Variants in APLF observed in about 807,000 individuals in gnomAD.
The protein encoded by APLF is aprataxin and PNK-like factor.
A neutral mutation model predicts 55.6 loss-of-function variants in APLF; 61 were observed. That is an observed-to-expected ratio of 1.10 (90% CI 0.89 to 1.36). The LOEUF (loss-of-function observed/expected upper bound fraction) is 1.36, where lower values mean the gene tolerates loss of function less well. Among genes scored for constraint, APLF ranks in the 40% most tolerant of loss-of-function variants. The pLI, the probability that APLF is intolerant of heterozygous loss-of-function variation, is 0.00. For synonymous variants in APLF, 207 were observed against 214.8 expected (o/e 0.96, Z 0.32); for missense variants, 611 against 602.5 (o/e 1.01, Z -0.15).
At chr2:68,495,216 C>G (rs1321872580) in intron 2 of APLF, among the ~76,000 whole-genome samples, 2 of 152,158 alleles carry the variant, frequency 1.3e-5, no homozygotes, top group Admixed American at 6.5e-5. Context: ...TAACTCATTC[C>G]AGCATTACCT....
chr2:68,579,558 TG>T lies in APLF; in HGVS notation c.*1539del, dbSNP rs11350223. The T allele has an allele frequency of 0.18, 43,571 of 239,454 alleles. 6,083 individuals carry two copies. The highest frequency in any genetic ancestry group is 0.5 in the African/African-American group (19,723 of 39,378). The allele number at this position is 239,454 out of a possible 1,614,324, so 14.8% of individuals were successfully genotyped here. A position where few individuals can be genotyped will look rare whatever the true frequency, so the allele number is the denominator to read the frequency against. ...CACCCAAAGTCTATCAACTATCAAC[TG>T]GGTGAATGGATAAGCAAAACGTGGT... On this transcript the variant is annotated 3_prime_UTR_variant, in exon 10 of 10. Transcript: ENST00000303795.
At position 68,567,368 on chromosome 2, in the gene APLF, T is replaced by G; in HGVS notation, c.1314T>G (p.Tyr438Ter). The change falls in exon 9 of 10, where the codon TAT (tyrosine) becomes TAG (stop). Residue 438 changes from tyrosine to a stop codon, truncating the protein, a stop_gained. Coordinates refer to ENST00000303795, the MANE Select transcript of APLF (RefSeq NM_173545.3). LOFTEE classifies it high-confidence loss of function. ...YRKNPQHKIE[Y>*]RHNTLPVRNV... is the part of the protein sequence containing the mutation. Reference sequence around the variant, plus strand: ...AGAATCCCCAGCACAAGATAGAATATAGACATAATACGCTTCCAGGTAAGT... The same window carrying G: ...AGAATCCCCAGCACAAGATAGAATAGAGACATAATACGCTTCCAGGTAAGT... The G allele has an allele frequency of 1.2e-6, 2 of 1,605,278 alleles. No individual in the cohort carries two copies. Among genetic ancestry groups the G allele is most frequent in the Middle Eastern group, 3.3e-4 (2 of 6,012 alleles).
intron 3 of APLF, among the ~76,000 whole-genome samples, chr2:68,503,328 A>G: frequency 6.6e-6 from 1 of 152,118 alleles, no homozygotes; most frequent in East Asian, 1.9e-4. Flanking sequence ...AATAGCAGAA[A>G]ATATAGAACA....
At chr2:68,472,733 C>CTT (rs1333469781) in intron 1 of APLF, among the ~76,000 whole-genome samples, 1 of 152,032 alleles carries the variant, frequency 6.6e-6, no homozygotes, top group African/African-American at 2.4e-5. Flanking sequence ...GTTTAAGGCT[C>CTT]TAAGATATGG....
intron 7 of APLF, among the ~76,000 whole-genome samples, chr2:68,539,373 T>A (rs10201301): frequency 0.093 from 14,138 of 152,286 alleles, 787 homozygotes; most frequent in African/African-American, 0.14. Flanking sequence ...GTTTGTTTTC[T>A]CCTGAGACCT....
chr2:68,485,262 T>C (rs1676127905), intron 1 of APLF, among the ~76,000 whole-genome samples: 1 of 152,162 alleles, frequency 6.6e-6, no homozygotes, highest in Non-Finnish European at 1.5e-5. Flanking sequence ...TTTCTTGCCT[T>C]TTGTCTTTAA....
At chr2:68,476,293 C>G (rs534239513) in intron 1 of APLF, among the ~76,000 whole-genome samples, 15 of 152,000 alleles carry the variant, frequency 9.9e-5, no homozygotes, top group African/African-American at 3.4e-4. Context: ...TGAGACCAGC[C>G]TGATCAACAT....
At chr2:68,557,924 AT>A (rs1183963102) in intron 8 of APLF, among the ~76,000 whole-genome samples, 1 of 151,822 alleles carries the variant, frequency 6.6e-6, no homozygotes, top group African/African-American at 2.4e-5. Flanking sequence ...AAAAAAAAAA[AT>A]AGTCAAAGTT....
chr2:68,542,017 G>A (rs941409653), intron 7 of APLF, among the ~76,000 whole-genome samples: 10 of 152,096 alleles, frequency 6.6e-5, no homozygotes, highest in African/African-American at 2.4e-4. Flanking sequence ...TTCAACAATG[G>A]TCTCAAGACA....
chr2:68,570,297 TA>T (rs1671420656), intron 9 of APLF, among the ~76,000 whole-genome samples: 1 of 150,954 alleles, frequency 6.6e-6, no homozygotes, highest in African/African-American at 2.4e-5. Flanking sequence ...AATATATATA[TA>T]TATTTTTATT....
chr2:68,518,000 TA>T (rs1669687858), intron 5 of APLF, among the ~76,000 whole-genome samples: 1 of 140,568 alleles, frequency 7.1e-6, no homozygotes, highest in African/African-American at 2.6e-5. Flanking sequence ...TATGTGTTAA[TA>T]TATAACAGTA....
intron 1 of APLF, among the ~76,000 whole-genome samples, chr2:68,469,767 C>G (rs926859336): frequency 6.6e-6 from 1 of 151,996 alleles, no homozygotes; most frequent in Non-Finnish European, 1.5e-5. Flanking sequence ...TGTGAGAGAG[C>G]GAAGACTGAG....
chr2:68,538,911 T>C (rs975820764), intron 7 of APLF, among the ~76,000 whole-genome samples: 2 of 152,172 alleles, frequency 1.3e-5, no homozygotes. Flanking sequence ...TCCAGTAGTT[T>C]GTCTTCTGTG....
At chr2:68,519,486 A>G (rs1573212733) in intron 5 of APLF, among the ~76,000 whole-genome samples, 1 of 149,630 alleles carries the variant, frequency 6.7e-6, no homozygotes, top group South Asian at 2.1e-4. Context: ...ATTTGCAGGG[A>G]CCAGTTCACA....
chr2:68,511,824 A>G (rs542830027), intron 3 of APLF, among the ~76,000 whole-genome samples: 1 of 151,768 alleles, frequency 6.6e-6, no homozygotes, highest in Non-Finnish European at 1.5e-5. Context: ...TTTTAAAAAT[A>G]TTGATTGAAT....
chr2:68,546,472 A>G (rs985688451), intron 8 of APLF, among the ~76,000 whole-genome samples: 2 of 152,000 alleles, frequency 1.3e-5, no homozygotes, highest in Admixed American at 6.6e-5. Flanking sequence ...AGAATGAAAA[A>G]TTATAGGATA....
chr2:68,508,173 A>G (rs1676931621), intron 3 of APLF, among the ~76,000 whole-genome samples: 1 of 151,904 alleles, frequency 6.6e-6, no homozygotes, highest in Non-Finnish European at 1.5e-5. Flanking sequence ...ATCTTAGAAA[A>G]AAAGAAAAGA....
At chr2:68,505,861 A>G (rs761182443) in intron 3 of APLF, among the ~76,000 whole-genome samples, 4 of 152,024 alleles carry the variant, frequency 2.6e-5, no homozygotes, top group Non-Finnish European at 4.4e-5. Flanking sequence ...ATCATTGACC[A>G]GTATGATTAA....
intron 1 of APLF, among the ~76,000 whole-genome samples, chr2:68,484,834 A>G (rs2103896636): frequency 6.6e-6 from 1 of 152,200 alleles, no homozygotes; most frequent in East Asian, 1.9e-4. Flanking sequence ...CCATCTCTAA[A>G]AAAAAAAATA....
Sources: gnomAD v4.1 joint callset for allele counts (sites outside exome capture counted in the v4.1 genomes callset) on GRCh38, gnomAD v4.1.1 for gene constraint, MANE v1.5 for transcripts, NCBI Gene and HGNC (gene_info 2026-07-23, HGNC 2026-07-21) for gene names.